Variants in CSMD1 observed in about 807,000 individuals in gnomAD.
The protein encoded by CSMD1 is CUB and sushi domain-containing protein 1.
CSMD1 carries 213 observed loss-of-function variants against 417.5 expected under a neutral mutation model. The observed-to-expected ratio is 0.51, with a 90% CI of 0.46 to 0.57. The LOEUF is 0.57. Among genes scored for constraint, CSMD1 ranks in the 20% least tolerant of loss-of-function variants. The probability of loss-of-function intolerance (pLI) is 0.00; values close to 1 mark genes in which losing one functional copy is unlikely to be tolerated. For missense variants in CSMD1, 6,923 were observed against 4,529.7 expected (o/e 1.53, Z -15.17); for synonymous variants, 2,862 against 1,736.8 (o/e 1.65, Z -16.11).
intron 6 of CSMD1, among the ~76,000 whole-genome samples, chr8:3,741,693 C>T (rs1796811795): frequency 6.6e-6 from 1 of 152,182 alleles, no homozygotes; most frequent in African/African-American, 2.4e-5. Flanking sequence ...ATTAACACTA[C>T]ACAAAATTTC....
At chr8:4,821,084 G>C (rs1799495769) in intron 1 of CSMD1, among the ~76,000 whole-genome samples, 2 of 152,080 alleles carry the variant, frequency 1.3e-5, no homozygotes, top group South Asian at 4.2e-4. Flanking sequence ...TTCCTTAAGT[G>C]TAAAAAGATA....
chr8:3,429,905 G>A (rs950965233), intron 12 of CSMD1, among the ~76,000 whole-genome samples: 2 of 152,092 alleles, frequency 1.3e-5, no homozygotes, highest in Admixed American at 1.3e-4. Flanking sequence ...ATCACACCAG[G>A]GGCACTGGCC....
rs1285369375 is a variant in CSMD1, at chr8:3,564,012, CTTTTA to C, written c.1344+10928_1344+10932del. On this transcript the variant is annotated intron_variant, in intron 10 of 69. Transcript: ENST00000635120. The stretch of plus-strand genomic sequence containing the variant: ...ATTAAAGTTCTGTCTTTTTAAGCTA[CTTTTA>C]TTTTGATTTGTAGTTGTATATATTT... 3.9e-5 allele frequency among the ~76,000 whole-genome samples: 6 copies of C among 152,024 alleles called. No individual in the cohort carries two copies. In the East Asian group the frequency reaches 5.8e-4, roughly 15 times the overall value.
chr8:4,833,272 G>A (rs754192576), intron 1 of CSMD1, among the ~76,000 whole-genome samples: 18 of 152,160 alleles, frequency 1.2e-4, no homozygotes, highest in Non-Finnish European at 1.2e-4. Flanking sequence ...GGAGGCTTCA[G>A]GAAACTTACA....
intron 5 of CSMD1, among the ~76,000 whole-genome samples, chr8:3,806,005 G>T (rs1800716451): frequency 6.6e-6 from 1 of 152,106 alleles, no homozygotes; most frequent in Non-Finnish European, 1.5e-5. Flanking sequence ...AGGCAAACTG[G>T]GGGAGACCTG....
At chr8:4,217,739 A>C (rs1453992069) in intron 3 of CSMD1, among the ~76,000 whole-genome samples, 1 of 152,128 alleles carries the variant, frequency 6.6e-6, no homozygotes, top group African/African-American at 2.4e-5. Flanking sequence ...TCTATACTCT[A>C]CGGTGTTATA....
chr8:4,002,625 T>C (rs986845239), intron 4 of CSMD1, among the ~76,000 whole-genome samples: 5 of 152,182 alleles, frequency 3.3e-5, no homozygotes, highest in African/African-American at 9.7e-5. Flanking sequence ...AGATATTAAA[T>C]TGCTCCCACA....
intron 57 of CSMD1, among the ~76,000 whole-genome samples, chr8:2,968,157 T>G (rs894317573): frequency 2.0e-5 from 3 of 152,186 alleles, no homozygotes; most frequent in Non-Finnish European, 2.9e-5. Flanking sequence ...CAAAATTTCA[T>G]TTTGCAATAA....
intron 5 of CSMD1, among the ~76,000 whole-genome samples, chr8:3,916,120 G>T (rs1386021205): frequency 6.6e-6 from 1 of 151,784 alleles, no homozygotes; most frequent in African/African-American, 2.4e-5. Flanking sequence ...AAGATAACAT[G>T]CCAGTAAATT....
chr8:3,845,072 T>C (rs1288205446), intron 5 of CSMD1, among the ~76,000 whole-genome samples: 1 of 152,232 alleles, frequency 6.6e-6, no homozygotes, highest in Non-Finnish European at 1.5e-5. Context: ...TTTCATATTA[T>C]AGTTTAAAAT....
At chr8:3,744,193 G>A (rs919439422) in intron 6 of CSMD1, among the ~76,000 whole-genome samples, 3 of 152,218 alleles carry the variant, frequency 2.0e-5, no homozygotes, top group Admixed American at 1.3e-4. Flanking sequence ...GGGAGTGGGA[G>A]TTGAGGACAG....
chr8:4,118,293 C>T (rs773895505), intron 3 of CSMD1, among the ~76,000 whole-genome samples: 1 of 151,912 alleles, frequency 6.6e-6, no homozygotes, highest in African/African-American at 2.4e-5. Context: ...TGAAGAAGTT[C>T]GACCTGTATG....
intron 19 of CSMD1, among the ~76,000 whole-genome samples, chr8:3,367,484 G>C (rs1196297814): frequency 6.6e-6 from 1 of 151,782 alleles, no homozygotes; most frequent in Non-Finnish European, 1.5e-5. Context: ...AAAAGAGAGA[G>C]GTTAGGAGAG....
At chr8:2,984,274 G>A (rs888452107) in intron 54 of CSMD1, among the ~76,000 whole-genome samples, 4 of 152,136 alleles carry the variant, frequency 2.6e-5, no homozygotes, top group African/African-American at 4.8e-5. Flanking sequence ...CCGAGCAAAC[G>A]CACAGGAGGG....
chr8:3,105,645 G>A (rs934031346), intron 46 of CSMD1, among the ~76,000 whole-genome samples: 2 of 152,152 alleles, frequency 1.3e-5, no homozygotes, highest in Admixed American at 6.5e-5. Flanking sequence ...GTCTACATAT[G>A]TTAAACATAT....
chr8:3,449,508 C>T (rs1354546159), intron 12 of CSMD1, among the ~76,000 whole-genome samples: 5 of 151,014 alleles, frequency 3.3e-5, no homozygotes, highest in Admixed American at 1.3e-4. Flanking sequence ...GAACATACCT[C>T]TCATGACAGC....
At chr8:3,709,525 C>G (rs767878685) in intron 6 of CSMD1, among the ~76,000 whole-genome samples, 17 of 151,898 alleles carry the variant, frequency 1.1e-4, no homozygotes. Flanking sequence ...ATGATATTAA[C>G]ATTTGAATCA....
At chr8:3,400,662 A>C (rs1180823001) in intron 15 of CSMD1, among the ~76,000 whole-genome samples, 1 of 152,002 alleles carries the variant, frequency 6.6e-6, no homozygotes, top group Non-Finnish European at 1.5e-5. Context: ...AGAATGTTAA[A>C]CTTGAAAAGT....
intron 1 of CSMD1, among the ~76,000 whole-genome samples, chr8:4,874,792 T>TTG (rs964670555): frequency 1.1e-4 from 17 of 150,798 alleles, no homozygotes; most frequent in South Asian, 2.1e-4. Flanking sequence ...GATAGACTTT[T>TTG]TGTGTGTGTA....
Sources: gnomAD v4.1 joint callset for allele counts (sites outside exome capture counted in the v4.1 genomes callset) on GRCh38, gnomAD v4.1.1 for gene constraint, MANE v1.5 for transcripts, NCBI Gene and HGNC (gene_info 2026-07-23, HGNC 2026-07-21) for gene names.